Variants in TSPAN14 observed in about 807,000 individuals in gnomAD.
The protein encoded by TSPAN14 is tetraspanin 14.
TSPAN14 carries 16 observed loss-of-function variants against 36.6 expected under a neutral mutation model. That is an observed-to-expected ratio of 0.44 (90% CI 0.30 to 0.66). The LOEUF is 0.66. Ranked by LOEUF, TSPAN14 falls within the 30% of genes least tolerant of loss-of-function variation. The probability of loss-of-function intolerance (pLI) is 0.12; values close to 1 mark genes in which losing one functional copy is unlikely to be tolerated. For synonymous variants in TSPAN14, 139 were observed against 143.8 expected, an observed-to-expected ratio of 0.97 and a Z score of 0.24; for missense variants, 231 against 355.1, an observed-to-expected ratio of 0.65 and a Z score of 2.81.
chr10:80,519,920 TCAACTC>T (rs917659464), exon 9 of TSPAN14: 6 of 151,754 alleles, frequency 4.0e-5, no homozygotes, highest in African/African-American at 1.5e-4. Context: ...TGGAGAAACT[TCAACTC>T]CATAGGTCTA....
At chr10:80,490,308 T>G (rs1336648873) in intron 2 of TSPAN14, among the ~76,000 whole-genome samples, 1 of 152,034 alleles carries the variant, frequency 6.6e-6, no homozygotes, top group Non-Finnish European at 1.5e-5. Context: ...CCAACCACCA[T>G]CAGAGGAAGG....
At chr10:80,510,742 T>C (rs1343771095) in intron 5 of TSPAN14, among the ~76,000 whole-genome samples, 1 of 151,748 alleles carries the variant, frequency 6.6e-6, no homozygotes, top group African/African-American at 2.4e-5. Flanking sequence ...GGTGTGGCGG[T>C]GGGCACCTGT....
chr10:80,488,559 C>CA (rs1847753297), intron 1 of TSPAN14, among the ~76,000 whole-genome samples: 1 of 151,970 alleles, frequency 6.6e-6, no homozygotes, highest in Non-Finnish European at 1.5e-5. Flanking sequence ...AGGGAGGGAG[C>CA]AGGGGGATGG....
intron 1 of TSPAN14, among the ~76,000 whole-genome samples, chr10:80,483,095 C>G (rs1469330275): frequency 6.6e-6 from 1 of 152,126 alleles, no homozygotes; most frequent in Non-Finnish European, 1.5e-5. Context: ...GAATGTGCTA[C>G]TTTTTTAATT....
rs56307745 is a variant in TSPAN14, at chr10:80,511,711, C to CCT, written c.451-373_451-372dup. On this transcript the variant is annotated intron_variant, in intron 5 of 8. Coordinates refer to ENST00000429989, the Ensembl canonical transcript of TSPAN14. The stretch of plus-strand genomic sequence containing the variant: ...TCTTTAACACATCAAAAGGGCAGGT[C>CCT]CTCTCTCTCTCTCTCTCTCTCTCTC... 3.8e-3 allele frequency among the ~76,000 whole-genome samples: 98 copies of CCT among 25,774 alleles called. 1 individual carries two copies. The highest frequency in any genetic ancestry group is 0.013 in the East Asian group (8 of 622). The allele number at this position is 25,774 out of a possible 152,430, so 16.9% of individuals were successfully genotyped here.
exon 8 of TSPAN14, chr10:80,516,254 G>A (rs143441058): frequency 2.7e-4 from 441 of 1,614,134 alleles, no homozygotes; most frequent in Non-Finnish European, 3.3e-4. Context: ...GCATCCAGGC[G>A]CTGGAAAGCT....
rs115813647 is a variant in TSPAN14, at chr10:80,470,234, C to T, written c.-18+15863C>T. On this transcript the variant is annotated intron_variant, in intron 1 of 8. Coordinates refer to ENST00000429989, the Ensembl canonical transcript of TSPAN14. The stretch of plus-strand genomic sequence containing the variant: ...CTGAGTAGCTGAGACTACAGGTGTG[C>T]GCCACCAGGCCTGCTAATTTTTCTA... Among the ~76,000 whole-genome samples the T allele has an allele frequency of 8.8e-3, 1,340 of 152,242 alleles. 16 individuals are homozygous for T. The highest frequency in any genetic ancestry group is 0.031 in the African/African-American group (1,285 of 41,542).
At chr10:80,468,942 A>G (rs537108288) in intron 1 of TSPAN14, among the ~76,000 whole-genome samples, 243 of 152,180 alleles carry the variant, frequency 1.6e-3, no homozygotes, top group African/African-American at 5.8e-3. Context: ...AGCCTGTTTC[A>G]TGGTTTTGCA....
intron 1 of TSPAN14, among the ~76,000 whole-genome samples, chr10:80,464,737 A>G (rs908899139): frequency 2.0e-5 from 3 of 152,050 alleles, no homozygotes; most frequent in Admixed American, 6.5e-5. Flanking sequence ...AGAGGTTTCT[A>G]TTGTGGCCTG....
chr10:80,487,984 G>A (rs192604367), intron 1 of TSPAN14, among the ~76,000 whole-genome samples: 2 of 152,288 alleles, frequency 1.3e-5, no homozygotes, highest in African/African-American at 4.8e-5. Context: ...CCAGCCTGCC[G>A]TGGCTGCCTC....
Position 80,497,635 on chromosome 10 carries a change from C to T in TSPAN14, c.82-7093C>T, listed in dbSNP as rs553716262. Reference sequence around the variant, plus strand: ...AGTTAGGTTGGGGGGTTCCCTCTCTCCTGGGGGTACTGCCTATCACCTCCC... The same window carrying T: ...AGTTAGGTTGGGGGGTTCCCTCTCTTCTGGGGGTACTGCCTATCACCTCCC... On this transcript the variant is annotated intron_variant, in intron 2 of 8. Coordinates refer to ENST00000429989, the Ensembl canonical transcript of TSPAN14. 1.3e-4 allele frequency among the ~76,000 whole-genome samples: 20 copies of T among 152,344 alleles called. No homozygotes were observed. In the South Asian group the frequency reaches 3.5e-3, roughly 27 times the overall value.
chr10:80,479,532 C>T lies in TSPAN14; in HGVS notation c.-17-9685C>T, dbSNP rs549103173. On this transcript the variant is annotated intron_variant, in intron 1 of 8. Coordinates refer to ENST00000429989, the Ensembl canonical transcript of TSPAN14. ...ATATGGCTAGCCAGTTTTCCCAGCA[C>T]CATTTATTAAATAGGGAATCCTTTC... Among the ~76,000 whole-genome samples, 577 of 152,220 alleles carry T rather than the reference C, an allele frequency of 3.8e-3. 2 individuals carry two copies. Among genetic ancestry groups the T allele is most frequent in the Non-Finnish European group, 7.0e-3 (475 of 68,004 alleles).
At chr10:80,468,430 A>G (rs1846358321) in intron 1 of TSPAN14, 1 of 152,256 alleles carries the variant, frequency 6.6e-6, no homozygotes, top group African/African-American at 2.4e-5. Flanking sequence ...AACAAATCCC[A>G]AAATTAAAGC....
chr10:80,463,779 T>C (rs1445366455), intron 1 of TSPAN14, among the ~76,000 whole-genome samples: 3 of 152,216 alleles, frequency 2.0e-5, no homozygotes, highest in Non-Finnish European at 2.9e-5. Context: ...AAAAGAAACA[T>C]GCGGCTTTGA....
exon 9 of TSPAN14, chr10:80,520,790 C>T (rs1331544256): frequency 5.6e-6 from 3 of 533,516 alleles, no homozygotes; most frequent in Non-Finnish European, 1.2e-5. Flanking sequence ...AGCTGCTTAT[C>T]CCAATTGTCA....
chr10:80,517,930 C>T (rs1428704729), exon 9 of TSPAN14: 20 of 1,567,042 alleles, frequency 1.3e-5, no homozygotes, highest in African/African-American at 5.4e-5. Flanking sequence ...CTGGCAAGGA[C>T]GCTGATCTCA....
intron 1 of TSPAN14, among the ~76,000 whole-genome samples, chr10:80,471,783 G>A (rs141083570): frequency 6.6e-6 from 1 of 152,172 alleles, no homozygotes; most frequent in Non-Finnish European, 1.5e-5. Flanking sequence ...GGGGTGAGTG[G>A]CAGGTGTGGG....
In TSPAN14 at chr10:80,509,699, CAG is replaced by C; in HGVS notation, c.450+229_450+230del. On this transcript the variant is annotated intron_variant, in intron 5 of 8. Transcript: ENST00000429989. This position sits in a 1 kb window ranked among gnomAD's most constrained non-coding sequence, Gnocchi z 4.7. ...CCCATTGGGATTGGGCAGGCAAGTC[CAG>C]CTGTACCCGAGGCCACCCACCCCCC... 1.8e-6 allele frequency: 1 copy of C among 551,182 alleles called. No individual in the cohort carries two copies. Among genetic ancestry groups the C allele is most frequent in the South Asian group, 2.2e-5 (1 of 45,042 alleles). 34.1% of individuals were successfully genotyped at this position (551,182 alleles called of 1,614,324 possible).
chr10:80,496,441 TTA>T (rs1848202872), intron 2 of TSPAN14, among the ~76,000 whole-genome samples: 1 of 152,230 alleles, frequency 6.6e-6, no homozygotes, highest in South Asian at 2.1e-4. Flanking sequence ...TTATTCTGGA[TTA>T]TAGCAATTTT....
Sources: allele counts gnomAD v4.1 joint callset (sites outside exome capture counted in the v4.1 genomes callset), GRCh38; gene constraint gnomAD v4.1.1; non-coding constraint Gnocchi (gnomAD v3.1); transcripts MANE v1.5; gene names NCBI Gene and HGNC (gene_info 2026-07-23, HGNC 2026-07-21).